The following KHDRBS2 variants were observed in gnomAD, a reference collection of about 807,000 sequenced individuals.
KHDRBS2 encodes the protein KH RNA binding domain containing, signal transduction associated 2.
Under a neutral mutation model 44.3 loss-of-function variants are expected in KHDRBS2, and 26 were observed. The ratio of observed to expected loss-of-function variants is 0.59; its 90% confidence interval spans 0.43 to 0.81. The LOEUF (loss-of-function observed/expected upper bound fraction) is 0.81. Ranked by LOEUF, KHDRBS2 falls within the 40% of genes least tolerant of loss-of-function variation. The probability of loss-of-function intolerance (pLI) is 0.00; values close to 1 mark genes in which losing one functional copy is unlikely to be tolerated. For missense variants in KHDRBS2, 476 were observed against 433.1 expected, an observed-to-expected ratio of 1.10 and a Z score of -0.88; for synonymous variants, 194 against 151.1, an observed-to-expected ratio of 1.28 and a Z score of -2.08.
chr6:61,953,351 G>T (rs1472314665), intron 4 of KHDRBS2, among the ~76,000 whole-genome samples: 2 of 151,946 alleles, frequency 1.3e-5, no homozygotes, highest in African/African-American at 4.8e-5. Flanking sequence ...ATTATAGTTA[G>T]TCCTTGATAA....
chr6:61,984,890 G>A (rs1774733584), intron 3 of KHDRBS2, among the ~76,000 whole-genome samples: 1 of 152,158 alleles, frequency 6.6e-6, no homozygotes, highest in South Asian at 2.1e-4. Context: ...CGCAATTAAA[G>A]TATGTACCAC....
rs185656756 is a variant in KHDRBS2, at chr6:62,246,937, C to T, written c.91+38921G>A. ...TATTATTTATAAAACATGTTGACTG[C>T]CAAATCCTAGGCCAAAAGATATGTT... On this transcript the variant is annotated intron_variant, in intron 1 of 8. Coordinates refer to ENST00000281156, the MANE Select transcript of KHDRBS2 (RefSeq NM_152688.4). Among the ~76,000 whole-genome samples, 381 of 152,082 alleles carry T rather than the reference C, an allele frequency of 2.5e-3. 3 individuals are homozygous for T. Among genetic ancestry groups the T allele is most frequent in the African/African-American group, 8.4e-3 (349 of 41,514 alleles).
chr6:61,823,063 G>A (rs767724083), intron 6 of KHDRBS2, among the ~76,000 whole-genome samples: 5 of 151,912 alleles, frequency 3.3e-5, no homozygotes, highest in Non-Finnish European at 7.4e-5. Flanking sequence ...GCTAAATGAT[G>A]CATGATGGGG....
chr6:62,205,778 A>G (rs544778506), intron 1 of KHDRBS2, among the ~76,000 whole-genome samples: 2 of 152,294 alleles, frequency 1.3e-5, no homozygotes, highest in East Asian at 3.9e-4. Context: ...AGGGAATGGT[A>G]GACAAGATTG....
At chr6:61,927,029 G>A (rs1225988216) in intron 4 of KHDRBS2, among the ~76,000 whole-genome samples, 1 of 151,954 alleles carries the variant, frequency 6.6e-6, no homozygotes, top group Non-Finnish European at 1.5e-5. Flanking sequence ...CAGGAGCAGG[G>A]TCTGATTGAC....
At chr6:62,067,141 AC>A (rs1793925479) in intron 2 of KHDRBS2, among the ~76,000 whole-genome samples, 1 of 151,518 alleles carries the variant, frequency 6.6e-6, no homozygotes, top group Non-Finnish European at 1.5e-5. Context: ...TACTTAGGTT[AC>A]TTTTTACCCA....
intron 4 of KHDRBS2, among the ~76,000 whole-genome samples, chr6:61,902,700 T>C (rs1804280763): frequency 6.6e-6 from 1 of 152,182 alleles, no homozygotes; most frequent in Non-Finnish European, 1.5e-5. Context: ...TGTAGAGGTT[T>C]GGCTAACAGA....
downstream of KHDRBS2, among the ~76,000 whole-genome samples, chr6:61,676,487 C>A (rs527526443): frequency 3.3e-5 from 5 of 151,886 alleles, no homozygotes; most frequent in East Asian, 7.9e-4. Context: ...TGGCAGGGAG[C>A]AGCTGATCTT....
chr6:61,907,555 C>A (rs1805258737), intron 4 of KHDRBS2, among the ~76,000 whole-genome samples: 1 of 152,068 alleles, frequency 6.6e-6, no homozygotes, highest in African/African-American at 2.4e-5. Context: ...ACATTTAAGT[C>A]TTCTATCTAT....
At chr6:61,614,479 C>A in the KHDRBS2 span, among the ~76,000 whole-genome samples, 1 of 152,112 alleles carries the variant, frequency 6.6e-6, no homozygotes, top group African/African-American at 2.4e-5. Context: ...ATCTTTATTT[C>A]CTCTGATTAA....
chr6:62,009,851 C>G (rs1779966829), intron 3 of KHDRBS2, among the ~76,000 whole-genome samples: 1 of 152,190 alleles, frequency 6.6e-6, no homozygotes, highest in African/African-American at 2.4e-5. Flanking sequence ...TATGAAAATG[C>G]AGGATATCCA....
chr6:61,655,532 G>A, the KHDRBS2 span, among the ~76,000 whole-genome samples: 1 of 152,066 alleles, frequency 6.6e-6, no homozygotes, highest in East Asian at 1.9e-4. Context: ...TGGGATTACA[G>A]GCATGAGCCA....
chr6:61,579,701 C>A, the KHDRBS2 span, among the ~76,000 whole-genome samples: 1 of 152,140 alleles, frequency 6.6e-6, no homozygotes, highest in Non-Finnish European at 1.5e-5. Flanking sequence ...CTGAGAATTT[C>A]TCTTGAATAG....
intron 6 of KHDRBS2, among the ~76,000 whole-genome samples, chr6:61,754,770 A>G (rs1236725714): frequency 1.3e-5 from 2 of 152,182 alleles, no homozygotes; most frequent in Non-Finnish European, 2.9e-5. Flanking sequence ...GAGTGCATAG[A>G]GAAATCAATA....
the KHDRBS2 span, among the ~76,000 whole-genome samples, chr6:61,559,533 T>A: frequency 1.3e-5 from 2 of 152,174 alleles, no homozygotes; most frequent in Non-Finnish European, 2.9e-5. Flanking sequence ...TTTTCTCTGA[T>A]GGTATGTTTT....
At chr6:61,839,297 C>T (rs1562277287) in intron 6 of KHDRBS2, among the ~76,000 whole-genome samples, 2 of 151,966 alleles carry the variant, frequency 1.3e-5, no homozygotes, top group South Asian at 2.1e-4. Flanking sequence ...TTCTCTATCT[C>T]CCCACCCCTC....
chr6:61,685,957 A>T (rs1561968628), intron 8 of KHDRBS2, among the ~76,000 whole-genome samples: 1 of 151,724 alleles, frequency 6.6e-6, no homozygotes, highest in Non-Finnish European at 1.5e-5. Flanking sequence ...AAAAGTTGAC[A>T]TTATTTAAGT....
At chr6:62,085,067 C>T (rs1162316818) in intron 2 of KHDRBS2, among the ~76,000 whole-genome samples, 1 of 152,064 alleles carries the variant, frequency 6.6e-6, no homozygotes, top group Non-Finnish European at 1.5e-5. Context: ...CAAGAAATCA[C>T]ATTTTAAATA....
chr6:61,935,484 G>A (rs189673037), intron 4 of KHDRBS2, among the ~76,000 whole-genome samples: 1 of 152,274 alleles, frequency 6.6e-6, no homozygotes, highest in Admixed American at 6.5e-5. Flanking sequence ...ACAATACTTT[G>A]CATTGCAGAG....
Sources: gnomAD v4.1 joint callset for allele counts (sites outside exome capture counted in the v4.1 genomes callset) on GRCh38, gnomAD v4.1.1 for gene constraint, MANE v1.5 for transcripts, NCBI Gene and HGNC (gene_info 2026-07-23, HGNC 2026-07-21) for gene names.